The following PMEPA1 variants were observed in gnomAD, a reference collection of about 807,000 sequenced individuals.
The protein encoded by PMEPA1 is prostate transmembrane protein, androgen induced 1, also known as protein TMEPAI.
A neutral mutation model predicts 23.0 loss-of-function variants in PMEPA1; 11 were observed. That is an observed-to-expected ratio of 0.48 (90% CI 0.30 to 0.79). The LOEUF is 0.79. PMEPA1 is among the 30% of genes least tolerant of loss of function. The probability of loss-of-function intolerance (pLI) is 0.06; values close to 1 mark genes in which losing one functional copy is unlikely to be tolerated. For missense variants in PMEPA1, 377 were observed against 390.9 expected (o/e 0.96, Z 0.30); for synonymous variants, 204 against 166.4 (o/e 1.23, Z -1.74).
At chr20:57,685,690 C>T (rs1600659972) in intron 1 of PMEPA1, among the ~76,000 whole-genome samples, 2 of 152,048 alleles carry the variant, frequency 1.3e-5, no homozygotes, top group East Asian at 1.9e-4. Flanking sequence ...TAGGACTGTA[C>T]GTGGCCGCCC....
rs2071211008 is a variant in PMEPA1, at chr20:57,650,526, A to G, written c.*1527T>C. On this transcript the variant is annotated 3_prime_UTR_variant, in exon 4 of 4. Transcript: ENST00000341744. ...AGCAGGTCCCGCCAACCCCAAATCT[A>G]TCTGGTGAAAACCTGGAGAACAAGA... is the stretch of plus-strand genomic sequence containing the variant. 6.6e-6 allele frequency: 1 copy of G among 152,416 alleles called. No homozygotes were observed. Among genetic ancestry groups the G allele is most frequent in the African/African-American group, 2.4e-5 (1 of 41,558 alleles). 9.4% of individuals were successfully genotyped at this position (152,416 alleles called of 1,614,324 possible).
At chr20:57,653,807 T>G (rs1269273973) in intron 2 of PMEPA1, among the ~76,000 whole-genome samples, 4 of 152,210 alleles carry the variant, frequency 2.6e-5, no homozygotes, top group African/African-American at 9.6e-5. Flanking sequence ...GAGACCAGCA[T>G]CTGAAGGGCC....
chr20:57,659,067 G>A (rs904406676), intron 2 of PMEPA1, among the ~76,000 whole-genome samples: 6 of 152,182 alleles, frequency 3.9e-5, no homozygotes, highest in Non-Finnish European at 4.4e-5. Context: ...GTCAGCTTGC[G>A]CTGCTTGTGA....
intron 1 of PMEPA1, among the ~76,000 whole-genome samples, chr20:57,671,958 T>C (rs2071574162): frequency 6.6e-6 from 1 of 152,192 alleles, no homozygotes; most frequent in African/African-American, 2.4e-5. Flanking sequence ...AGTCTGATAA[T>C]GGATGGATGC....
chr20:57,681,168 T>C (rs1159883580), intron 1 of PMEPA1, among the ~76,000 whole-genome samples: 1 of 152,116 alleles, frequency 6.6e-6, no homozygotes, highest in Non-Finnish European at 1.5e-5. Context: ...TGAGTGCTGG[T>C]GGGGCAGGGG....
rs139068477 is a variant in PMEPA1, at chr20:57,650,293, A to T, written c.*1760T>A. ...TCTACTAGTCAGCATTCTGCCCAAA[A>T]TGGAAAGCCACTCCCATGGGAAGGG... is the stretch of plus-strand genomic sequence containing the variant. On this transcript the variant is annotated 3_prime_UTR_variant, in exon 4 of 4. Transcript: ENST00000341744. 6.6e-6 allele frequency: 1 copy of T among 152,362 alleles called. No homozygotes were observed. Among genetic ancestry groups the T allele is most frequent in the East Asian group, 1.9e-4 (1 of 5,180 alleles). 9.4% of individuals were successfully genotyped at this position (152,362 alleles called of 1,614,324 possible). A position where few individuals can be genotyped will look rare whatever the true frequency, so the allele number is the denominator to read the frequency against.
rs185484590 is a variant in PMEPA1 at position 57,689,596 on chromosome 20, G to A, written c.109+19878C>T. Among the ~76,000 whole-genome samples the A allele has an allele frequency of 2.4e-3, 367 of 152,334 alleles. 1 individual carries two copies. Among genetic ancestry groups the A allele is most frequent in the African/African-American group, 8.2e-3 (340 of 41,566 alleles). On this transcript the variant is annotated intron_variant, in intron 1 of 3. Coordinates refer to ENST00000341744, the MANE Select transcript of PMEPA1 (RefSeq NM_020182.5). Reference sequence around the variant, plus strand: ...GGAATCCTCTTTGCCCGTCGCTAAAGGAACTAGTTCAAGGAGAGTCCTCAC... The same window carrying A: ...GGAATCCTCTTTGCCCGTCGCTAAAAGAACTAGTTCAAGGAGAGTCCTCAC...
rs1386094200 is a variant in PMEPA1, at chr20:57,652,696, T to C, written c.319-98A>G. The C allele has an allele frequency of 4.5e-6, 5 of 1,102,708 alleles. No homozygotes were observed. The African/African-American group carries it at 7.9e-5, about 18-fold the overall frequency. 68.3% of individuals were successfully genotyped at this position (1,102,708 alleles called of 1,614,324 possible). The stretch of plus-strand genomic sequence containing the variant: ...GGAGTTCTGCTGCATGGGACTTGGC[T>C]CTCTGGGGAAAGGGAGAGGGCAGCA... On this transcript the variant is annotated intron_variant, in intron 3 of 3. Transcript: ENST00000341744. This position sits in a 1 kb window ranked among gnomAD's most constrained non-coding sequence, Gnocchi z 6.1.
intron 1 of PMEPA1, among the ~76,000 whole-genome samples, chr20:57,677,961 G>A (rs1343305951): frequency 6.6e-6 from 1 of 152,186 alleles, no homozygotes; most frequent in Non-Finnish European, 1.5e-5. Context: ...AGGCTAGATA[G>A]TGTATGACTC....
intron 1 of PMEPA1, among the ~76,000 whole-genome samples, chr20:57,701,953 T>C (rs2072017222): frequency 1.3e-5 from 2 of 152,216 alleles, no homozygotes; most frequent in Middle Eastern, 3.4e-3. Flanking sequence ...AAAGATTCGA[T>C]TACTGCCATG....
At position 57,704,989 on chromosome 20, in the gene PMEPA1, C is replaced by T. The variant is rs144122481; in HGVS notation, c.109+4485G>A. On this transcript the variant is annotated intron_variant, in intron 1 of 3. Transcript: ENST00000341744. This position sits in a 1 kb window ranked among gnomAD's most constrained non-coding sequence, Gnocchi z 4.6. ...CTTTTATGGAGAGGGTGCATACCTTCGCACCTCTTACAGGGGAGAATGTGC... is the reference window on the plus strand; with the variant it reads ...CTTTTATGGAGAGGGTGCATACCTTTGCACCTCTTACAGGGGAGAATGTGC... 0.014 allele frequency among the ~76,000 whole-genome samples: 2,190 copies of T among 152,264 alleles called. 43 individuals carry two copies. Among genetic ancestry groups the T allele is most frequent in the African/African-American group, 0.042 (1,766 of 41,564 alleles).
At chr20:57,660,469 ACCC>A in intron 1 of PMEPA1, among the ~76,000 whole-genome samples, 1 of 146,630 alleles carries the variant, frequency 6.8e-6, no homozygotes, top group African/African-American at 2.6e-5. Context: ...CACACAAAAC[ACCC>A]CAACACTCCT....
chr20:57,674,290 A>G (rs2146671111), intron 1 of PMEPA1, among the ~76,000 whole-genome samples: 1 of 152,330 alleles, frequency 6.6e-6, no homozygotes. Context: ...TGCTGGCACC[A>G]AGGAACGGCC....
chr20:57,657,085 C>G (rs1294303910), intron 2 of PMEPA1, among the ~76,000 whole-genome samples: 1 of 152,204 alleles, frequency 6.6e-6, no homozygotes, highest in Non-Finnish European at 1.5e-5. Flanking sequence ...AATCCTACCC[C>G]TTCCTGGCAG....
rs1200872284 is a variant in PMEPA1 at position 57,652,077 on chromosome 20, A to G, written c.840T>C (p.Asp280=). 1 of 1,526,034 alleles carries G rather than the reference A, an allele frequency of 6.6e-7. No individual in the cohort carries two copies. Among genetic ancestry groups the G allele is most frequent in the South Asian group, 1.2e-5 (1 of 80,006 alleles). The allele number at this position is 1,526,034 out of a possible 1,614,324, so 94.5% of individuals were successfully genotyped here. The change falls in exon 4 of 4, where the codon GAT becomes GAC. Residue 280 remains aspartate (D), a synonymous_variant. Transcript: ENST00000341744. The surrounding 1 kb of genome is among the most constrained non-coding windows in gnomAD (Gnocchi z 6.1). The part of the protein sequence containing the change: ...ESAAIWSKEK[D]KQKGHPL Reference sequence around the variant, plus strand: ...CCTAGAGAGGGTGTCCTTTCTGTTTATCCTTCTCTTTGCTCCAGATGGCTG... The same window carrying G: ...CCTAGAGAGGGTGTCCTTTCTGTTTGTCCTTCTCTTTGCTCCAGATGGCTG...
intron 1 of PMEPA1, among the ~76,000 whole-genome samples, chr20:57,694,508 A>AC (rs2071921053): frequency 1.3e-5 from 2 of 152,296 alleles, no homozygotes; most frequent in African/African-American, 4.8e-5. Context: ...CTCATGTGCT[A>AC]CCGTTTGCTT....
rs73915284 is a variant in PMEPA1 at position 57,662,329 on chromosome 20, A to G, written c.110-2632T>C. Among the ~76,000 whole-genome samples, 852 of 152,262 alleles carry G rather than the reference A, an allele frequency of 5.6e-3. 11 individuals are homozygous for G. Among genetic ancestry groups the G allele is most frequent in the African/African-American group, 0.02 (818 of 41,570 alleles). ...CCTAAGAACGGGCGTTTTTATTATC[A>G]TCCCCATTTCACGGGTGAGGAGACA... On this transcript the variant is annotated intron_variant, in intron 1 of 3. Coordinates refer to ENST00000341744, the MANE Select transcript of PMEPA1 (RefSeq NM_020182.5).
At chr20:57,700,041 C>T (rs1281296650) in intron 1 of PMEPA1, 4 of 471,122 alleles carry the variant, frequency 8.5e-6, no homozygotes, top group East Asian at 1.4e-4. Context: ...ACCACTGACA[C>T]TCAGGCAAAT....
chr20:57,658,551 T>C (rs1265298901), intron 2 of PMEPA1, among the ~76,000 whole-genome samples: 1 of 152,070 alleles, frequency 6.6e-6, no homozygotes, highest in Non-Finnish European at 1.5e-5. Context: ...TGGAAGTGCT[T>C]TTATAGCCAG....
Sources: gnomAD v4.1 joint callset for allele counts (sites outside exome capture counted in the v4.1 genomes callset) on GRCh38, gnomAD v4.1.1 for gene constraint, Gnocchi (gnomAD v3.1) non-coding constraint, MANE v1.5 for transcripts, NCBI Gene and HGNC (gene_info 2026-07-23, HGNC 2026-07-21) for gene names.